ZNF846: variants seen among roughly 807,000 people sequenced by gnomAD.
ZNF846 encodes the protein zinc finger protein 846.
In ZNF846, 15 loss-of-function variants were observed where a neutral mutation model predicts 16.0. The observed-to-expected ratio is 0.94, with a 90% confidence interval of 0.63 to 1.45. The LOEUF is 1.45. Ranked by LOEUF, ZNF846 falls within the 40% of genes most tolerant of loss-of-function variation. ZNF846 has a pLI of 0.00. For synonymous variants in ZNF846, 229 were observed against 212.0 expected (o/e 1.08, Z -0.70); for missense variants, 714 against 622.3 (o/e 1.15, Z -1.57).
At chr19:9,778,517 T>C (rs1271612586) in intron 1 of ZNF846, among the ~76,000 whole-genome samples, 1 of 151,840 alleles carries the variant, frequency 6.6e-6, no homozygotes, top group Non-Finnish European at 1.5e-5. Flanking sequence ...AAAGAAACCA[T>C]GAGGGGGCCG....
chr19:9,757,194 CA>C (rs34789194), downstream of ZNF846, among the ~76,000 whole-genome samples: 308 of 128,184 alleles, frequency 2.4e-3, 5 homozygotes, highest in Middle Eastern at 4.1e-3. Flanking sequence ...GACTCTGTCT[CA>C]AAAAAAAAAA....
At chr19:9,759,813 G>C (rs1328161373) in intron 5 of ZNF846, 47 bp downstream of exon 5, 2 of 1,411,250 alleles carry the variant, frequency 1.4e-6, no homozygotes, top group African/African-American at 1.5e-5. Flanking sequence ...CATGAATATT[G>C]TGCTTCTTGT....
intron 1 of ZNF846, among the ~76,000 whole-genome samples, chr19:9,784,883 A>C (rs571576617): frequency 1.3e-5 from 2 of 152,308 alleles, no homozygotes; most frequent in South Asian, 4.1e-4. Flanking sequence ...AACACAGCAC[A>C]TGTTTTTGCA....
exon 6 of ZNF846, chr19:9,758,068 G>A: frequency 6.2e-7 from 1 of 1,613,430 alleles, no homozygotes; most frequent in Non-Finnish European, 8.5e-7. Flanking sequence ...CATTCATATG[G>A]CTTTTCTCCA....
chr19:9,752,614 C>CA (rs34675292), downstream of ZNF846, among the ~76,000 whole-genome samples: 8,960 of 91,002 alleles, frequency 0.098, 367 homozygotes, highest in Non-Finnish European at 0.13. Context: ...GACTTCATCC[C>CA]AAAAAAAAAA....
chr19:9,783,540 A>ATATAT (rs1415322257), intron 1 of ZNF846, among the ~76,000 whole-genome samples: 1,790 of 119,570 alleles, frequency 0.015, 13 homozygotes, highest in Non-Finnish European at 0.022. Flanking sequence ...AAAAAAAAAA[A>ATATAT]AAAAATATAT....
intron 1 of ZNF846, among the ~76,000 whole-genome samples, chr19:9,775,867 T>C (rs886069479): frequency 3.9e-5 from 6 of 152,210 alleles, no homozygotes; most frequent in South Asian, 2.1e-4. Context: ...ATATAGATCA[T>C]AGACATGATT....
At chr19:9,755,881 C>T (rs2045129180), downstream of ZNF846, among the ~76,000 whole-genome samples, 1 of 139,746 alleles carries the variant, frequency 7.2e-6, no homozygotes, top group African/African-American at 2.7e-5. Flanking sequence ...TGCTCTGTCA[C>T]CCAGGCTGGA....
At chr19:9,783,540 A>ATATATATATATAT (rs1415322257) in intron 1 of ZNF846, among the ~76,000 whole-genome samples, 102 of 120,440 alleles carry the variant, frequency 8.5e-4, no homozygotes, top group African/African-American at 3.8e-3. Context: ...AAAAAAAAAA[A>ATATATATATATAT]AAAAATATAT....
At chr19:9,783,431 T>C (rs995404519) in intron 1 of ZNF846, among the ~76,000 whole-genome samples, 6 of 147,792 alleles carry the variant, frequency 4.1e-5, no homozygotes, top group African/African-American at 1.2e-4. Flanking sequence ...GGTTTCGCCA[T>C]GTTGGCCAGG....
At chr19:9,774,431 G>T (rs575996754) in intron 1 of ZNF846, 6 of 658,546 alleles carry the variant, frequency 9.1e-6, no homozygotes, top group Non-Finnish European at 8.2e-6. Flanking sequence ...TTGCGCCACT[G>T]CACTCCAGCC....
intron 2 of ZNF846, among the ~76,000 whole-genome samples, chr19:9,763,880 C>T (rs1033646733): frequency 6.6e-5 from 10 of 152,062 alleles, no homozygotes; most frequent in Non-Finnish European, 1.2e-4. Flanking sequence ...GTAGGGAGAC[C>T]CACTGAAACT....
At chr19:9,774,803 C>G in intron 1 of ZNF846, 6 of 1,600,520 alleles carry the variant, frequency 3.7e-6, no homozygotes, top group Non-Finnish European at 5.1e-6. Context: ...CAAAACCGAC[C>G]AAGTAATCCA....
chr19:9,767,862 G>T (rs2045342678), intron 1 of ZNF846, among the ~76,000 whole-genome samples: 1 of 152,134 alleles, frequency 6.6e-6, no homozygotes, highest in African/African-American at 2.4e-5. Context: ...TGGACCGGGA[G>T]ACAGAGTTTA....
In ZNF846 at chr19:9,758,449, G is replaced by A. The variant is rs751764432; in HGVS notation, c.628C>T (p.Gln210Ter). 6.2e-7 allele frequency: 1 copy of A among 1,613,386 alleles called. No individual in the cohort carries two copies. ...CTTATATGTAACTTAAGGGATGACT[G>A]ATTAAGAAAAGTTCTCCAACAGTCT... Residue 210 changes from glutamine to a stop codon, truncating the protein, a stop_gained, in exon 6 of 6, where the codon CAG becomes TAG. Transcript: ENST00000397902. LOFTEE classifies it low-confidence loss of function (END_TRUNC).
chr19:9,752,364 T>A, exon 6 of ZNF846: 1 of 290,718 alleles, frequency 3.4e-6, no homozygotes, highest in Non-Finnish European at 7.3e-6. Flanking sequence ...TCCCAGCACT[T>A]TGGGAGGCCA....
intron 1 of ZNF846, among the ~76,000 whole-genome samples, chr19:9,765,869 A>G (rs1166406175): frequency 1.3e-5 from 2 of 151,934 alleles, no homozygotes; most frequent in African/African-American, 2.4e-5. Flanking sequence ...GGAGTTAGAG[A>G]CCATCCTGGG....
At position 9,764,672 on chromosome 19, in the gene ZNF846, T is replaced by C. The variant is rs1256765987; in HGVS notation, c.15+264A>G. The C allele has an allele frequency of 6.1e-6, 3 of 495,028 alleles. No homozygotes were observed. The Admixed American group carries it at 1.0e-4, about 16-fold the overall frequency. The allele number at this position is 495,028 out of a possible 1,614,324, so 30.7% of individuals were successfully genotyped here. A position where few individuals can be genotyped will look rare whatever the true frequency, so the allele number is the denominator to read the frequency against. On this transcript the variant is annotated intron_variant, in intron 2 of 5. Coordinates refer to ENST00000397902, the Ensembl canonical transcript of ZNF846. Reference sequence around the variant, plus strand: ...GCCTTCACTATCTTGTGTGTGTCTATTATTTCTCAACCTGCCAATCTGCCT... The same window carrying C: ...GCCTTCACTATCTTGTGTGTGTCTACTATTTCTCAACCTGCCAATCTGCCT...
At chr19:9,776,434 A>G (rs1018458997) in intron 1 of ZNF846, among the ~76,000 whole-genome samples, 1 of 152,216 alleles carries the variant, frequency 6.6e-6, no homozygotes, top group African/African-American at 2.4e-5. Context: ...TGCAGAAATA[A>G]TGGCATAAGC....
Sources: gnomAD v4.1 joint callset for allele counts (sites outside exome capture counted in the v4.1 genomes callset) on GRCh38, gnomAD v4.1.1 for gene constraint, MANE v1.5 for transcripts, NCBI Gene and HGNC (gene_info 2026-07-23, HGNC 2026-07-21) for gene names.